Variants in CCSER1 observed in about 807,000 individuals in gnomAD.
CCSER1 encodes the protein coiled-coil serine rich protein 1.
CCSER1 carries 41 observed loss-of-function variants against 82.0 expected under a neutral mutation model. The ratio of observed to expected loss-of-function variants is 0.50; its 90% CI spans 0.39 to 0.65. The LOEUF is 0.65. CCSER1 is among the 30% of genes least tolerant of loss of function. CCSER1 has a pLI of 0.00. For synonymous variants in CCSER1, 414 were observed against 383.9 expected (o/e 1.08, Z -0.92); for missense variants, 1,119 against 1,064.2 (o/e 1.05, Z -0.72).
chr4:90,915,949 A>G (rs1477122170), intron 8 of CCSER1, among the ~76,000 whole-genome samples: 1 of 152,112 alleles, frequency 6.6e-6, no homozygotes, highest in Non-Finnish European at 1.5e-5. Context: ...TAGGAATCCA[A>G]CTTACAAGGG....
At chr4:91,393,122 A>T (rs750751431) in intron 10 of CCSER1, among the ~76,000 whole-genome samples, 5 of 152,024 alleles carry the variant, frequency 3.3e-5, no homozygotes, top group Non-Finnish European at 5.9e-5. Context: ...CATGAATAGG[A>T]CTGACAGCCT....
intron 6 of CCSER1, among the ~76,000 whole-genome samples, chr4:90,651,744 C>T (rs1728791097): frequency 6.6e-6 from 1 of 152,184 alleles, no homozygotes; most frequent in East Asian, 1.9e-4. Context: ...AGCGTTCCCC[C>T]TCTAGGACAG....
At chr4:90,813,598 G>A (rs1405273778) in intron 7 of CCSER1, among the ~76,000 whole-genome samples, 1 of 152,154 alleles carries the variant, frequency 6.6e-6, no homozygotes, top group Non-Finnish European at 1.5e-5. Context: ...AAGTCTCACA[G>A]ATCTGATGGG....
chr4:90,812,244 C>T (rs979430584), intron 7 of CCSER1, among the ~76,000 whole-genome samples: 3 of 151,878 alleles, frequency 2.0e-5, no homozygotes, highest in Admixed American at 1.3e-4. Context: ...TTAGATTGTG[C>T]CCCCCCAGAT....
intron 7 of CCSER1, among the ~76,000 whole-genome samples, chr4:90,754,018 A>T (rs1749121623): frequency 6.6e-6 from 1 of 152,148 alleles, no homozygotes; most frequent in African/African-American, 2.4e-5. Flanking sequence ...TCAGCTAATC[A>T]AAGGAGACTT....
chr4:91,435,630 T>A (rs1387103753), intron 10 of CCSER1, among the ~76,000 whole-genome samples: 2 of 152,236 alleles, frequency 1.3e-5, no homozygotes, highest in Admixed American at 1.3e-4. Context: ...GGAATTTATA[T>A]GTAGTTCTTT....
chr4:90,759,065 T>A (rs1040349296), intron 7 of CCSER1, among the ~76,000 whole-genome samples: 3 of 152,158 alleles, frequency 2.0e-5, no homozygotes, highest in African/African-American at 7.2e-5. Flanking sequence ...TTCTAAGCCA[T>A]CCATATGACC....
chr4:91,291,337 T>C (rs559148930), intron 10 of CCSER1, among the ~76,000 whole-genome samples: 22 of 152,160 alleles, frequency 1.4e-4, no homozygotes, highest in African/African-American at 5.3e-4. Context: ...GTTATTACTT[T>C]TCTAGAATGT....
intron 9 of CCSER1, among the ~76,000 whole-genome samples, chr4:90,980,271 G>A (rs773475479): frequency 2.0e-5 from 3 of 151,842 alleles, no homozygotes; most frequent in Non-Finnish European, 2.9e-5. Flanking sequence ...ATAATCTGGA[G>A]AAATTATGGG....
intron 1 of CCSER1, among the ~76,000 whole-genome samples, chr4:90,160,815 A>G (rs757475737): frequency 1.6e-4 from 25 of 152,168 alleles, no homozygotes; most frequent in Non-Finnish European, 3.1e-4. Context: ...AGTGAAATTA[A>G]TGAAGATTAG....
At chr4:90,244,088 T>C (rs975316059) in intron 1 of CCSER1, among the ~76,000 whole-genome samples, 1 of 152,226 alleles carries the variant, frequency 6.6e-6, no homozygotes, top group African/African-American at 2.4e-5. Context: ...TTTATCATAC[T>C]TTTCCAATTA....
At chr4:90,883,122 A>G (rs955217648) in intron 8 of CCSER1, among the ~76,000 whole-genome samples, 1 of 151,902 alleles carries the variant, frequency 6.6e-6, no homozygotes, top group African/African-American at 2.4e-5. Flanking sequence ...CTCCAGTATG[A>G]CTCCTGAACT....
At chr4:91,507,624 G>A (rs189060653) in intron 10 of CCSER1, among the ~76,000 whole-genome samples, 396 of 151,514 alleles carry the variant, frequency 2.6e-3, no homozygotes, top group Non-Finnish European at 3.9e-3. Context: ...TTTTTGTTAA[G>A]TGGTGGGTGT....
At chr4:91,567,432 T>C (rs1195861057) in intron 10 of CCSER1, among the ~76,000 whole-genome samples, 1 of 150,726 alleles carries the variant, frequency 6.6e-6, no homozygotes. Context: ...GTCTTGAATA[T>C]GTTTATTAAA....
intron 9 of CCSER1, among the ~76,000 whole-genome samples, chr4:91,033,917 G>A (rs2150561519): frequency 6.6e-6 from 1 of 152,192 alleles, no homozygotes; most frequent in African/African-American, 2.4e-5. Context: ...CTTTTTTTGA[G>A]TTGCCTCTAA....
chr4:90,621,683 C>T (rs765750000), intron 5 of CCSER1, among the ~76,000 whole-genome samples: 2 of 152,210 alleles, frequency 1.3e-5, no homozygotes, highest in African/African-American at 2.4e-5. Flanking sequence ...ATTTGACACA[C>T]ATGAATGGAT....
intron 9 of CCSER1, among the ~76,000 whole-genome samples, chr4:90,924,114 C>T (rs985034482): frequency 6.6e-6 from 1 of 152,100 alleles, no homozygotes; most frequent in Non-Finnish European, 1.5e-5. Flanking sequence ...TGACTTTCAA[C>T]TTCCTCTTGA....
At chr4:90,455,864 C>T (rs1029818014) in intron 4 of CCSER1, among the ~76,000 whole-genome samples, 13 of 152,270 alleles carry the variant, frequency 8.5e-5, no homozygotes, top group East Asian at 1.9e-4. Flanking sequence ...TCACCTGCGC[C>T]GTGCCCCCTA....
intron 6 of CCSER1, among the ~76,000 whole-genome samples, chr4:90,646,560 A>G (rs1475712747): frequency 1.3e-5 from 2 of 152,206 alleles, no homozygotes; most frequent in East Asian, 3.9e-4. Flanking sequence ...ACCAGGATGC[A>G]TAAACCAGGA....
Sources: gnomAD v4.1 joint callset for allele counts (sites outside exome capture counted in the v4.1 genomes callset) on GRCh38, gnomAD v4.1.1 for gene constraint, MANE v1.5 for transcripts, NCBI Gene and HGNC (gene_info 2026-07-23, HGNC 2026-07-21) for gene names.